The following ZNF277 variants were observed in gnomAD, a reference collection of about 807,000 sequenced individuals.
ZNF277 encodes zinc finger protein 277, also known as nuclear receptor-interacting factor 4.
ZNF277 carries 55 observed loss-of-function variants against 60.7 expected under a neutral mutation model. The ratio of observed to expected loss-of-function variants is 0.91; its 90% confidence interval spans 0.73 to 1.13. The LOEUF (loss-of-function observed/expected upper bound fraction) is 1.13, where lower values mean the gene tolerates loss of function less well. Ranked by LOEUF, ZNF277 falls within the 50% of genes most tolerant of loss-of-function variation. The pLI is 0.00. For missense variants in ZNF277, 510 were observed against 523.0 expected (o/e 0.98, Z 0.24); for synonymous variants, 178 against 179.3 (o/e 0.99, Z 0.06).
intron 1 of ZNF277, among the ~76,000 whole-genome samples, chr7:112,246,085 A>G (rs1205574768): frequency 6.6e-6 from 1 of 152,142 alleles, no homozygotes; most frequent in South Asian, 2.1e-4. Flanking sequence ...CAGGAACTAC[A>G]TTGGTATAAA....
rs547629778 is a variant in ZNF277 at position 112,285,062 on chromosome 7, G to A, written c.92-1811G>A. 4.6e-5 allele frequency among the ~76,000 whole-genome samples: 7 copies of A among 152,016 alleles called. No homozygotes were observed. In the South Asian group the frequency reaches 1.0e-3, roughly 23 times the overall value. On this transcript the variant is annotated intron_variant, in intron 1 of 11. Coordinates refer to ENST00000361822, the MANE Select transcript of ZNF277 (RefSeq NM_021994.3). Reference sequence around the variant, plus strand: ...TTTTTTCTTTTTGAGACAGAGTCACGCTCTGTCACCAGGCTGGAGTGCAGT... The same window carrying A: ...TTTTTTCTTTTTGAGACAGAGTCACACTCTGTCACCAGGCTGGAGTGCAGT...
chr7:112,223,399 C>T (rs534516593), intron 1 of ZNF277, among the ~76,000 whole-genome samples: 1 of 152,248 alleles, frequency 6.6e-6, no homozygotes, highest in East Asian at 1.9e-4. Flanking sequence ...TTTTAGGGTC[C>T]ACAGCAGAGA....
At chr7:112,252,011 A>G (rs1791209489) in intron 1 of ZNF277, among the ~76,000 whole-genome samples, 1 of 152,218 alleles carries the variant, frequency 6.6e-6, no homozygotes, top group Admixed American at 6.5e-5. Context: ...TGCCACTTCA[A>G]TTATCAGTTT....
intron 1 of ZNF277, among the ~76,000 whole-genome samples, chr7:112,230,962 C>A (rs1167704387): frequency 6.6e-6 from 1 of 152,116 alleles, no homozygotes; most frequent in African/African-American, 2.4e-5. Context: ...CACCTGTAAT[C>A]CCAGCACTTT....
chr7:112,222,145 T>G (rs1307515969), intron 1 of ZNF277, among the ~76,000 whole-genome samples: 6 of 152,256 alleles, frequency 3.9e-5, no homozygotes, highest in Non-Finnish European at 7.3e-5. Flanking sequence ...CCTGTACTTT[T>G]GTTCTCTTGA....
intron 1 of ZNF277, among the ~76,000 whole-genome samples, chr7:112,235,153 C>A (rs188609943): frequency 6.6e-6 from 1 of 151,854 alleles, no homozygotes; most frequent in East Asian, 1.9e-4. Flanking sequence ...TTAAATTTTT[C>A]ATTATTTTAA....
chr7:112,285,073 A>G (rs1039298977), intron 1 of ZNF277, among the ~76,000 whole-genome samples: 2 of 152,108 alleles, frequency 1.3e-5, no homozygotes, highest in Non-Finnish European at 2.9e-5. Context: ...CTCTGTCACC[A>G]GGCTGGAGTG....
chr7:112,233,718 A>C (rs1312287874), intron 1 of ZNF277, among the ~76,000 whole-genome samples: 1 of 152,192 alleles, frequency 6.6e-6, no homozygotes, highest in Non-Finnish European at 1.5e-5. Context: ...AGTTTTCTGC[A>C]CAGAATATTC....
intron 1 of ZNF277, among the ~76,000 whole-genome samples, chr7:112,212,016 T>G (rs1821761839): frequency 6.6e-6 from 1 of 152,242 alleles, no homozygotes; most frequent in African/African-American, 2.4e-5. Flanking sequence ...AAAAACTGAA[T>G]AGATGTTTTA....
At chr7:112,333,488 A>G (rs914484415) in intron 7 of ZNF277, among the ~76,000 whole-genome samples, 6 of 152,222 alleles carry the variant, frequency 3.9e-5, no homozygotes, top group African/African-American at 1.4e-4. Context: ...TAGCAGATAT[A>G]TGCAGTCATT....
intron 5 of ZNF277, among the ~76,000 whole-genome samples, chr7:112,321,252 C>CT (rs1186304410): frequency 4.0e-5 from 6 of 151,870 alleles, no homozygotes; most frequent in African/African-American, 1.5e-4. Context: ...ATTTTGAACT[C>CT]TTTTTCTTAG....
At chr7:112,246,890 G>A (rs893897680) in intron 1 of ZNF277, among the ~76,000 whole-genome samples, 1 of 152,192 alleles carries the variant, frequency 6.6e-6, no homozygotes, top group East Asian at 1.9e-4. Flanking sequence ...TCTTAGGAAT[G>A]CAAGTCGTTT....
intron 1 of ZNF277, among the ~76,000 whole-genome samples, chr7:112,215,382 G>C (rs1049166523): frequency 2.6e-5 from 4 of 152,206 alleles, no homozygotes; most frequent in African/African-American, 9.6e-5. Flanking sequence ...CATCCTCTGG[G>C]ACAGTGTCAT....
chr7:112,214,729 C>T (rs147672735), intron 1 of ZNF277, among the ~76,000 whole-genome samples: 3 of 152,082 alleles, frequency 2.0e-5, no homozygotes, highest in African/African-American at 7.2e-5. Flanking sequence ...CAACAATTGA[C>T]AAGTGGTAAA....
chr7:112,279,165 C>G (rs940052789), intron 1 of ZNF277, among the ~76,000 whole-genome samples: 3 of 152,170 alleles, frequency 2.0e-5, no homozygotes, highest in African/African-American at 7.2e-5. Flanking sequence ...TATAAAAGTA[C>G]AAATATTTCT....
intron 5 of ZNF277, among the ~76,000 whole-genome samples, chr7:112,321,612 A>T (rs923087130): frequency 6.6e-6 from 1 of 152,114 alleles, no homozygotes; most frequent in Non-Finnish European, 1.5e-5. Flanking sequence ...CCTTTCTTTT[A>T]ACCTAAAGAA....
intron 7 of ZNF277, among the ~76,000 whole-genome samples, chr7:112,335,442 T>C (rs553975781): frequency 6.6e-6 from 1 of 152,246 alleles, no homozygotes; most frequent in South Asian, 2.1e-4. Flanking sequence ...AAAGTTTTGC[T>C]AACGCTGTGA....
chr7:112,294,642 C>T (rs970377732), intron 2 of ZNF277, among the ~76,000 whole-genome samples: 1 of 152,150 alleles, frequency 6.6e-6, no homozygotes, highest in Non-Finnish European at 1.5e-5. Flanking sequence ...CTTTTTCTTA[C>T]ATATTCTATA....
chr7:112,318,072 A>G, intron 4 of ZNF277, 110 bp from the exon 5 acceptor site: 1 of 800,488 alleles, frequency 1.2e-6, no homozygotes, highest in Non-Finnish European at 2.0e-6. Context: ...GGCAACTTTT[A>G]TATACTCCCT....
Sources: gnomAD v4.1 joint callset for allele counts (sites outside exome capture counted in the v4.1 genomes callset) on GRCh38, gnomAD v4.1.1 for gene constraint, MANE v1.5 for transcripts, NCBI Gene and HGNC (gene_info 2026-07-23, HGNC 2026-07-21) for gene names.